SLC9A9: variants seen among roughly 807,000 people sequenced by gnomAD.
The protein encoded by SLC9A9 is solute carrier family 9 member A9.
In SLC9A9, 62 loss-of-function variants were observed where a neutral mutation model predicts 77.8. The observed-to-expected ratio is 0.80, with a 90% CI of 0.65 to 0.98. The LOEUF (loss-of-function observed/expected upper bound fraction) is 0.98, where lower values mean the gene tolerates loss of function less well. Among genes scored for constraint, SLC9A9 ranks in the 50% least tolerant of loss-of-function variants. The pLI, the probability that SLC9A9 is intolerant of heterozygous loss-of-function variation, is 0.00. For synonymous variants in SLC9A9, 320 were observed against 283.5 expected, an observed-to-expected ratio of 1.13 and a Z score of -1.29; for missense variants, 775 against 774.9, an observed-to-expected ratio of 1.00 and a Z score of 0.00.
intron 12 of SLC9A9, among the ~76,000 whole-genome samples, chr3:143,416,197 C>T (rs980214932): frequency 9.2e-5 from 14 of 152,110 alleles, no homozygotes; most frequent in African/African-American, 3.4e-4. Context: ...GGATCTACTC[C>T]TGGTGAAGAT....
intron 6 of SLC9A9, among the ~76,000 whole-genome samples, chr3:143,623,120 C>T: frequency 6.6e-6 from 1 of 152,144 alleles, no homozygotes; most frequent in East Asian, 1.9e-4. Context: ...AAAGCAAGTC[C>T]TTAGAGACCT....
At chr3:143,716,597 G>T (rs143824308) in intron 4 of SLC9A9, among the ~76,000 whole-genome samples, 2 of 152,174 alleles carry the variant, frequency 1.3e-5, no homozygotes, top group African/African-American at 4.8e-5. Context: ...AGAGGAAGAA[G>T]GACACTCAGA....
intron 5 of SLC9A9, among the ~76,000 whole-genome samples, chr3:143,657,418 T>C (rs530463199): frequency 8.5e-5 from 13 of 152,270 alleles, no homozygotes; most frequent in African/African-American, 3.1e-4. Flanking sequence ...TCAAACAGGG[T>C]TCCTTGGGGA....
chr3:143,550,055 T>G (rs1411789651), intron 9 of SLC9A9, among the ~76,000 whole-genome samples: 1 of 152,144 alleles, frequency 6.6e-6, no homozygotes, highest in African/African-American at 2.4e-5. Context: ...TCTGAGGCAT[T>G]TGCAGTGATA....
chr3:143,816,559 A>G (rs922729651), intron 2 of SLC9A9, among the ~76,000 whole-genome samples: 4 of 152,214 alleles, frequency 2.6e-5, no homozygotes, highest in African/African-American at 9.6e-5. Flanking sequence ...TGGGATGAAC[A>G]TATCATGATT....
At position 143,574,205 on chromosome 3, in the gene SLC9A9, A is replaced by T; in HGVS notation, c.895-12T>A. On this transcript the variant is annotated splice_polypyrimidine_tract_variant and intron_variant, in intron 7 of 15. Transcript: ENST00000316549. ...GTAAATTTGGTCAAGTGAGGAAGAT[A>T]AGTTAAGGGAAACAACAACAGCTTT... 6.2e-7 allele frequency: 1 copy of T among 1,603,364 alleles called. No homozygotes were observed. The highest frequency in any genetic ancestry group is 1.1e-5 in the South Asian group (1 of 90,688).
chr3:143,268,598 TG>T (rs1937799831), intron 15 of SLC9A9, among the ~76,000 whole-genome samples: 1 of 151,834 alleles, frequency 6.6e-6, no homozygotes, highest in African/African-American at 2.4e-5. Flanking sequence ...CTGGGTGTGG[TG>T]GCAGGCGCCT....
rs572136255 is a variant in SLC9A9, at chr3:143,341,690, C to T, written c.1604+21794G>A. Among the ~76,000 whole-genome samples the T allele has an allele frequency of 9.2e-5, 14 of 152,178 alleles. No homozygotes were observed. In the South Asian group the frequency reaches 1.5e-3, roughly 16 times the overall value. On this transcript the variant is annotated intron_variant, in intron 14 of 15. Transcript: ENST00000316549. The stretch of plus-strand genomic sequence containing the variant: ...AAAATTTTGTTTACCAAAATGACTC[C>T]GATATGCAAATACAGAACACAGTGT...
intron 9 of SLC9A9, among the ~76,000 whole-genome samples, chr3:143,544,435 G>T (rs2108632764): frequency 1.3e-5 from 2 of 152,170 alleles, no homozygotes; most frequent in African/African-American, 4.8e-5. Flanking sequence ...CACTGTGTTA[G>T]CCAGGATGGT....
intron 12 of SLC9A9, among the ~76,000 whole-genome samples, chr3:143,389,223 A>G (rs1425322573): frequency 6.6e-6 from 1 of 152,200 alleles, no homozygotes; most frequent in Non-Finnish European, 1.5e-5. Context: ...ACATTGTGAT[A>G]TTAAGAAACT....
At chr3:143,547,405 AC>A (rs1211854205) in intron 9 of SLC9A9, among the ~76,000 whole-genome samples, 2 of 152,208 alleles carry the variant, frequency 1.3e-5, no homozygotes, top group Admixed American at 6.5e-5. Context: ...CCCAAACTTA[AC>A]AAGTCAACCC....
chr3:143,561,614 C>A (rs1163875474), intron 8 of SLC9A9, among the ~76,000 whole-genome samples: 1 of 152,150 alleles, frequency 6.6e-6, no homozygotes, highest in Admixed American at 6.5e-5. Flanking sequence ...AGGCATAACA[C>A]GGGTGATGCT....
chr3:143,306,406 A>C (rs920535262), intron 14 of SLC9A9, among the ~76,000 whole-genome samples: 1 of 152,240 alleles, frequency 6.6e-6, no homozygotes, highest in African/African-American at 2.4e-5. Context: ...GTAACATTTG[A>C]ATCTATCCTC....
At chr3:143,715,977 C>T (rs1454232918) in intron 4 of SLC9A9, among the ~76,000 whole-genome samples, 1 of 152,234 alleles carries the variant, frequency 6.6e-6, no homozygotes, top group Non-Finnish European at 1.5e-5. Flanking sequence ...TGTCTTACTA[C>T]ACACCAAGCC....
Position 143,279,463 on chromosome 3 carries a change from A to G in SLC9A9, c.1605-10483T>C, listed in dbSNP as rs1458631962. On this transcript the variant is annotated intron_variant, in intron 14 of 15. Coordinates refer to ENST00000316549, the MANE Select transcript of SLC9A9 (RefSeq NM_173653.4). Reference sequence around the variant, plus strand: ...TTTAAGTTCTGGGATTCATGTGCAGAATGTGCAGGCTACATAGGTATACAC... The same window carrying G: ...TTTAAGTTCTGGGATTCATGTGCAGGATGTGCAGGCTACATAGGTATACAC... Among the ~76,000 whole-genome samples the G allele has an allele frequency of 1.1e-4, 17 of 152,308 alleles. No homozygotes were observed. In the East Asian group the frequency reaches 3.1e-3, roughly 28 times the overall value.
At chr3:143,461,465 T>C (rs1199887978) in intron 12 of SLC9A9, among the ~76,000 whole-genome samples, 1 of 152,222 alleles carries the variant, frequency 6.6e-6, no homozygotes. Context: ...ATAGGTATCC[T>C]CTGGTACTGT....
At chr3:143,562,199 A>C (rs17641479) in intron 8 of SLC9A9, among the ~76,000 whole-genome samples, 30,734 of 152,204 alleles carry the variant, frequency 0.2, 3,126 homozygotes, top group Non-Finnish European at 0.22. Context: ...GAGATAAGAT[A>C]TATACAAAGA....
chr3:143,824,284 G>C (rs2009244612), intron 2 of SLC9A9, among the ~76,000 whole-genome samples: 1 of 151,442 alleles, frequency 6.6e-6, no homozygotes, highest in Non-Finnish European at 1.5e-5. Context: ...ATGGCAAAGA[G>C]CTGGCAGGAA....
At chr3:143,381,277 C>G (rs1057310873) in intron 13 of SLC9A9, 1 of 152,142 alleles carries the variant, frequency 6.6e-6, no homozygotes, top group South Asian at 2.1e-4. Flanking sequence ...GGGGATGGGT[C>G]TTTCCCATGC....
Sources: gnomAD v4.1 joint callset for allele counts (sites outside exome capture counted in the v4.1 genomes callset) on GRCh38, gnomAD v4.1.1 for gene constraint, MANE v1.5 for transcripts, NCBI Gene and HGNC (gene_info 2026-07-23, HGNC 2026-07-21) for gene names.